LRTM1: variants seen among roughly 807,000 people sequenced by gnomAD.
LRTM1 encodes the protein leucine rich repeat transmembrane protein 1.
In LRTM1, 38 loss-of-function variants were observed where a neutral mutation model predicts 32.4. The ratio of observed to expected loss-of-function variants is 1.17; its 90% CI spans 0.91 to 1.54. The LOEUF is 1.54. Among genes scored for constraint, LRTM1 ranks in the 40% most tolerant of loss-of-function variants. The probability of loss-of-function intolerance (pLI) is 0.00; values close to 1 mark genes in which losing one functional copy is unlikely to be tolerated. For missense variants in LRTM1, 466 were observed against 415.4 expected, an observed-to-expected ratio of 1.12 and a Z score of -1.06; for synonymous variants, 186 against 169.9, an observed-to-expected ratio of 1.09 and a Z score of -0.74.
intron 1 of LRTM1, among the ~76,000 whole-genome samples, chr3:54,952,138 G>A (rs1283876380): frequency 1.3e-5 from 2 of 152,180 alleles, no homozygotes; most frequent in Admixed American, 6.5e-5. Context: ...TAGCCACTGG[G>A]CCTGGCTGGC....
upstream of LRTM1, among the ~76,000 whole-genome samples, chr3:54,930,399 C>G (rs1701154753): frequency 6.6e-6 from 1 of 152,194 alleles, no homozygotes; most frequent in Non-Finnish European, 1.5e-5. Context: ...AGGCACTCTA[C>G]TTACCAGCTT....
At chr3:54,922,580 C>T (rs994347516) in intron 2 of LRTM1, among the ~76,000 whole-genome samples, 4 of 152,026 alleles carry the variant, frequency 2.6e-5, no homozygotes, top group East Asian at 3.9e-4. Context: ...TATTCAATAT[C>T]GTACGTTTTA....
chr3:54,935,158 C>A (rs1672299296), intron 1 of LRTM1, among the ~76,000 whole-genome samples: 1 of 152,136 alleles, frequency 6.6e-6, no homozygotes, highest in African/African-American at 2.4e-5. Context: ...CTCAGGGAAC[C>A]AGTTCTTAGA....
At chr3:54,961,797 T>C (rs938990502) in intron 1 of LRTM1, among the ~76,000 whole-genome samples, 3 of 152,050 alleles carry the variant, frequency 2.0e-5, no homozygotes, top group African/African-American at 7.3e-5. Flanking sequence ...ACAGGACATC[T>C]TCTGTTTTCT....
At chr3:54,945,355 G>A (rs1345101515) in intron 1 of LRTM1, among the ~76,000 whole-genome samples, 1 of 152,160 alleles carries the variant, frequency 6.6e-6, no homozygotes, top group African/African-American at 2.4e-5. Flanking sequence ...GTAGTATCTT[G>A]GCCTCGAAAG....
intron 1 of LRTM1, among the ~76,000 whole-genome samples, chr3:54,938,100 G>C (rs1241462693): frequency 6.6e-6 from 1 of 152,192 alleles, no homozygotes; most frequent in Non-Finnish European, 1.5e-5. Context: ...GTTGGCAGTT[G>C]TGGGCAAATC....
At chr3:54,942,121 G>A (rs1701485502) in intron 1 of LRTM1, among the ~76,000 whole-genome samples, 1 of 152,230 alleles carries the variant, frequency 6.6e-6, no homozygotes, top group Non-Finnish European at 1.5e-5. Flanking sequence ...GCAATCCTTT[G>A]TTACCTTAGC....
intron 2 of LRTM1, among the ~76,000 whole-genome samples, chr3:54,922,822 C>A (rs545787201): frequency 1.3e-5 from 2 of 152,230 alleles, no homozygotes; most frequent in African/African-American, 4.8e-5. Context: ...CTCACTCACT[C>A]CCCCCAGTCC....
At chr3:54,926,867 C>T (rs1464286281) in intron 1 of LRTM1, among the ~76,000 whole-genome samples, 3 of 152,130 alleles carry the variant, frequency 2.0e-5, no homozygotes. Context: ...CTCTGGAATC[C>T]AGAGAAATCT....
chr3:54,950,218 A>G (rs1479209901), intron 1 of LRTM1, among the ~76,000 whole-genome samples: 1 of 152,234 alleles, frequency 6.6e-6, no homozygotes, highest in East Asian at 1.9e-4. Flanking sequence ...GCAAACTTCA[A>G]CATGCTCAAG....
chr3:54,957,345 C>T (rs1321143754), intron 1 of LRTM1, among the ~76,000 whole-genome samples: 3 of 151,990 alleles, frequency 2.0e-5, no homozygotes, highest in African/African-American at 7.3e-5. Flanking sequence ...GATGGGGTCT[C>T]ACTCTGTTGC....
At chr3:54,923,203 A>G (rs912783149) in intron 2 of LRTM1, among the ~76,000 whole-genome samples, 10 of 152,158 alleles carry the variant, frequency 6.6e-5, no homozygotes, top group African/African-American at 2.4e-4. Context: ...AAGTCCAAGC[A>G]TCTTGGCCTT....
intron 1 of LRTM1, among the ~76,000 whole-genome samples, chr3:54,965,984 G>A (rs1702140575): frequency 6.6e-6 from 1 of 152,168 alleles, no homozygotes. Flanking sequence ...GACTCATGAG[G>A]AAAGATGAAA....
At chr3:54,963,903 A>C (rs1446287298) in intron 1 of LRTM1, among the ~76,000 whole-genome samples, 2 of 152,220 alleles carry the variant, frequency 1.3e-5, no homozygotes, top group Non-Finnish European at 1.5e-5. Flanking sequence ...GGAAAAGAGG[A>C]AGTCTGGAAG....
chr3:54,933,977 G>A (rs2106963521), intron 1 of LRTM1, among the ~76,000 whole-genome samples: 1 of 152,200 alleles, frequency 6.6e-6, no homozygotes, highest in South Asian at 2.1e-4. Flanking sequence ...CGTCATGTTG[G>A]TCAGGCTGGT....
At chr3:54,923,669 A>T (rs1360421773) in intron 2 of LRTM1, among the ~76,000 whole-genome samples, 1 of 152,214 alleles carries the variant, frequency 6.6e-6, no homozygotes, top group East Asian at 1.9e-4. Context: ...ATAGAAATGA[A>T]TGAATCATGC....
chr3:54,927,471 C>T (rs1701055462), intron 1 of LRTM1, among the ~76,000 whole-genome samples: 1 of 152,184 alleles, frequency 6.6e-6, no homozygotes, highest in African/African-American at 2.4e-5. Flanking sequence ...AGCTGTGGGG[C>T]TCAAGCATTA....
At chr3:54,936,644 C>T (rs1280787385) in intron 1 of LRTM1, among the ~76,000 whole-genome samples, 8 of 152,204 alleles carry the variant, frequency 5.3e-5, no homozygotes, top group East Asian at 3.9e-4. Flanking sequence ...ACTACATGCT[C>T]GTGCTGTGAT....
chr3:54,928,047 CA>C lies in LRTM1; in HGVS notation c.-137del, dbSNP rs1172897577. The C allele has an allele frequency of 1.8e-5, 14 of 786,236 alleles. No individual in the cohort carries two copies. Among genetic ancestry groups the C allele is most frequent in the African/African-American group, 1.7e-4 (10 of 58,104 alleles). The allele number at this position is 786,236 out of a possible 1,614,324, so 48.7% of individuals were successfully genotyped here. On this transcript the variant is annotated 5_prime_UTR_variant, in exon 1 of 3. In the 5' UTR this introduces an upstream ATG that the reference lacks. Transcript: ENST00000273286. ...TCTGAACCCTGCCCTTGCTTTTCTTCAATGCAGAAAACAGTTGTTGCTTTCA... is the reference window on the plus strand; with the variant it reads ...TCTGAACCCTGCCCTTGCTTTTCTTCATGCAGAAAACAGTTGTTGCTTTCA...
Sources: allele counts gnomAD v4.1 joint callset (sites outside exome capture counted in the v4.1 genomes callset), GRCh38; gene constraint gnomAD v4.1.1; transcripts MANE v1.5; gene names NCBI Gene and HGNC (gene_info 2026-07-23, HGNC 2026-07-21).